Variants in EPHA6 observed in about 807,000 individuals in gnomAD.
EPHA6 encodes the protein EPH receptor A6, also known as ephrin type-A receptor 6.
In EPHA6, 50 loss-of-function variants were observed where a neutral mutation model predicts 112.0. The ratio of observed to expected loss-of-function variants is 0.45; its 90% confidence interval spans 0.36 to 0.56. EPHA6 has a LOEUF of 0.56. EPHA6 is among the 20% of genes least tolerant of loss of function. The pLI is 0.00. For missense variants in EPHA6, 1,280 were observed against 1,417.4 expected, an observed-to-expected ratio of 0.90 and a Z score of 1.56; for synonymous variants, 529 against 490.7, an observed-to-expected ratio of 1.08 and a Z score of -1.03.
intron 2 of EPHA6, among the ~76,000 whole-genome samples, chr3:96,969,981 A>C (rs1284618235): frequency 6.6e-6 from 1 of 152,082 alleles, no homozygotes; most frequent in Non-Finnish European, 1.5e-5. Context: ...TATCAATTCA[A>C]AAGTTAATAC....
At chr3:96,816,212 C>T (rs2032771017) in intron 1 of EPHA6, among the ~76,000 whole-genome samples, 1 of 152,222 alleles carries the variant, frequency 6.6e-6, no homozygotes, top group South Asian at 2.1e-4. Flanking sequence ...TTAAATTGTT[C>T]TCATTTATAC....
chr3:97,717,559 C>G (rs1022731175), intron 14 of EPHA6, among the ~76,000 whole-genome samples: 1 of 152,124 alleles, frequency 6.6e-6, no homozygotes, highest in Non-Finnish European at 1.5e-5. Flanking sequence ...GCCTGCATGC[C>G]TCTGATACCT....
rs58548915 is a variant in EPHA6, at chr3:96,863,581, T to C, written c.386-3244T>C. ...AAAGCAGTTAGGTCAATCTTGTTTC[T>C]GGAAGATACTAAGAAACAACAAAAA... On this transcript the variant is annotated intron_variant, in intron 1 of 17. Coordinates refer to ENST00000389672, the MANE Select transcript of EPHA6 (RefSeq NM_001080448.3). 3.0e-3 allele frequency among the ~76,000 whole-genome samples: 456 copies of C among 152,154 alleles called. 13 individuals are homozygous for C. The East Asian group carries it at 0.081, about 27-fold the overall frequency.
At chr3:97,348,830 T>C (rs947723631) in intron 5 of EPHA6, among the ~76,000 whole-genome samples, 7 of 152,008 alleles carry the variant, frequency 4.6e-5, no homozygotes, top group African/African-American at 1.7e-4. Context: ...TCATAGGTGT[T>C]TTTATTCCAT....
intron 2 of EPHA6, among the ~76,000 whole-genome samples, chr3:96,981,588 C>A (rs1021709426): frequency 4.6e-5 from 7 of 152,054 alleles, no homozygotes; most frequent in African/African-American, 9.7e-5. Flanking sequence ...AGGGAGGATT[C>A]TCTCTTTTTC....
intron 6 of EPHA6, among the ~76,000 whole-genome samples, chr3:97,448,331 GT>G (rs1192690921): frequency 6.6e-6 from 1 of 152,048 alleles, no homozygotes; most frequent in Non-Finnish European, 1.5e-5. Flanking sequence ...AAAAATACAA[GT>G]GCAGTTTATA....
chr3:97,599,009 A>G (rs1211171244), intron 12 of EPHA6, among the ~76,000 whole-genome samples: 1 of 152,134 alleles, frequency 6.6e-6, no homozygotes, highest in African/African-American at 2.4e-5. Context: ...CATTTCTCTG[A>G]TGACCAGTGA....
chr3:97,311,442 TCACACACACA>T lies in EPHA6; in HGVS notation c.1606+67179_1606+67188del, dbSNP rs35415439. Among the ~76,000 whole-genome samples the T allele has an allele frequency of 4.3e-3, 623 of 144,150 alleles. 5 individuals carry two copies. The highest frequency in any genetic ancestry group is 0.015 in the Admixed American group (210 of 14,380). 94.6% of individuals were successfully genotyped at this position (144,150 alleles called of 152,430 possible). A position where few individuals can be genotyped will look rare whatever the true frequency, so the allele number is the denominator to read the frequency against. On this transcript the variant is annotated intron_variant, in intron 5 of 17. Transcript: ENST00000389672. ...CCAAATCATCATTTGGATTACACTT[TCACACACACA>T]CACACACACACACACACACACACGT...
intron 2 of EPHA6, among the ~76,000 whole-genome samples, chr3:96,920,009 G>A (rs1437418696): frequency 6.6e-6 from 1 of 151,876 alleles, no homozygotes; most frequent in Non-Finnish European, 1.5e-5. Context: ...CAACAGGCAA[G>A]TAAATGACTT....
chr3:96,976,373 T>C (rs911605888), intron 2 of EPHA6, among the ~76,000 whole-genome samples: 1 of 152,172 alleles, frequency 6.6e-6, no homozygotes, highest in African/African-American at 2.4e-5. Flanking sequence ...TATATTTTAC[T>C]ATATAAACTA....
At chr3:97,610,010 G>T (rs149991940) in intron 12 of EPHA6, among the ~76,000 whole-genome samples, 1 of 151,390 alleles carries the variant, frequency 6.6e-6, no homozygotes, top group Non-Finnish European at 1.5e-5. Context: ...TATTTATGTC[G>T]AATATTCTAC....
At position 97,449,339 on chromosome 3, in the gene EPHA6, G is replaced by A. The variant is rs1329846236; in HGVS notation, c.1894+609G>A. The stretch of plus-strand genomic sequence containing the variant: ...ACCAATGAACTCTTTTTGGCCTTCA[G>A]AAATCCATCTTACTGCTCTCTTTGT... On this transcript the variant is annotated intron_variant, in intron 7 of 17. Transcript: ENST00000389672. 2.0e-5 allele frequency among the ~76,000 whole-genome samples: 3 copies of A among 152,152 alleles called. No homozygotes were observed. In the East Asian group the frequency reaches 5.8e-4, roughly 29 times the overall value.
chr3:97,471,571 A>G lies in EPHA6; in HGVS notation c.1895-3781A>G, dbSNP rs575402382. ...AATGTAGCAGTCTGAATTCCCTAGT[A>G]GCTTCTACCTCCCAGAAAGCATTGT... On this transcript the variant is annotated intron_variant, in intron 7 of 17. Coordinates refer to ENST00000389672, the MANE Select transcript of EPHA6 (RefSeq NM_001080448.3). 7.2e-5 allele frequency among the ~76,000 whole-genome samples: 11 copies of G among 151,834 alleles called. 1 individual carries two copies. Among genetic ancestry groups the G allele is most frequent in the African/African-American group, 2.6e-4 (11 of 41,510 alleles).
intron 3 of EPHA6, among the ~76,000 whole-genome samples, chr3:97,171,507 C>G (rs1166827716): frequency 6.6e-6 from 1 of 152,026 alleles, no homozygotes; most frequent in East Asian, 1.9e-4. Context: ...AAACATGCAA[C>G]AGGTATTATA....
At chr3:96,932,317 A>T (rs1266327378) in intron 2 of EPHA6, among the ~76,000 whole-genome samples, 2 of 152,124 alleles carry the variant, frequency 1.3e-5, no homozygotes, top group African/African-American at 4.8e-5. Flanking sequence ...CCCTCCATGC[A>T]ATTCATTCAA....
chr3:97,276,539 T>A (rs1435998718), intron 5 of EPHA6, among the ~76,000 whole-genome samples: 1 of 152,112 alleles, frequency 6.6e-6, no homozygotes, highest in Non-Finnish European at 1.5e-5. Context: ...GGCTGGGGTT[T>A]GTCTCATAGT....
At chr3:97,641,673 G>A (rs2094006252) in intron 14 of EPHA6, among the ~76,000 whole-genome samples, 1 of 152,216 alleles carries the variant, frequency 6.6e-6, no homozygotes, top group Non-Finnish European at 1.5e-5. Flanking sequence ...CAAAGAAAGG[G>A]GTGACGGACG....
intron 15 of EPHA6, among the ~76,000 whole-genome samples, chr3:97,724,303 G>A (rs1474365899): frequency 6.6e-6 from 1 of 152,000 alleles, no homozygotes; most frequent in African/African-American, 2.4e-5. Flanking sequence ...AAAGGTCAGT[G>A]GTATTATACT....
chr3:97,379,406 CT>C (rs199706802), intron 5 of EPHA6, among the ~76,000 whole-genome samples: 38 of 148,990 alleles, frequency 2.6e-4, no homozygotes, highest in Middle Eastern at 3.4e-3. Context: ...CTCTGAAAAT[CT>C]TTTTTTTTTC....
Sources: allele counts gnomAD v4.1 joint callset (sites outside exome capture counted in the v4.1 genomes callset), GRCh38; gene constraint gnomAD v4.1.1; transcripts MANE v1.5; gene names NCBI Gene and HGNC (gene_info 2026-07-23, HGNC 2026-07-21).